The following MCPH1 variants were observed in gnomAD, a reference collection of about 807,000 sequenced individuals.
The protein encoded by MCPH1 is microcephalin.
Under a neutral mutation model 84.5 loss-of-function variants are expected in MCPH1, and 104 were observed. That is an observed-to-expected ratio of 1.23 (90% CI 1.05 to 1.45). The LOEUF (loss-of-function observed/expected upper bound fraction) is 1.45. Among genes scored for constraint, MCPH1 ranks in the 40% most tolerant of loss-of-function variants. MCPH1 has a pLI of 0.00. For missense variants in MCPH1, 1,498 were observed against 1,005.7 expected (o/e 1.49, Z -6.62); for synonymous variants, 514 against 366.8 (o/e 1.40, Z -4.58).
chr8:6,557,712 C>T (rs199534105), intron 12 of MCPH1, among the ~76,000 whole-genome samples: 1 of 150,550 alleles, frequency 6.6e-6, no homozygotes. Flanking sequence ...CACACACACA[C>T]ACATACATAT....
At chr8:6,490,785 C>T (rs1274307559) in intron 11 of MCPH1, among the ~76,000 whole-genome samples, 2 of 151,988 alleles carry the variant, frequency 1.3e-5, no homozygotes, top group Admixed American at 6.6e-5. Flanking sequence ...TTATGTAATG[C>T]GGTTTTGTCA....
intron 5 of MCPH1, among the ~76,000 whole-genome samples, chr8:6,436,394 T>G (rs1241228100): frequency 6.6e-6 from 1 of 152,236 alleles, no homozygotes; most frequent in East Asian, 1.9e-4. Context: ...ATCAAGGTGG[T>G]CGAACTTTTT....
chr8:6,413,019 A>T (rs1408293316), intron 2 of MCPH1, among the ~76,000 whole-genome samples: 1 of 152,194 alleles, frequency 6.6e-6, no homozygotes, highest in African/African-American at 2.4e-5. Context: ...CAAGCATTGT[A>T]CATATATTAC....
chr8:6,478,979 A>T (rs1808830890), intron 10 of MCPH1, among the ~76,000 whole-genome samples: 1 of 152,210 alleles, frequency 6.6e-6, no homozygotes, highest in African/African-American at 2.4e-5. Context: ...GATAAAACTA[A>T]GAAGGCTGGG....
intron 12 of MCPH1, among the ~76,000 whole-genome samples, chr8:6,546,249 G>A (rs571286406): frequency 5.4e-4 from 82 of 152,352 alleles, no homozygotes; most frequent in African/African-American, 1.7e-3. Flanking sequence ...GAGACAGTCT[G>A]AATATTCAAG....
chr8:6,422,829 C>A (rs1360237185), intron 3 of MCPH1, among the ~76,000 whole-genome samples: 3 of 152,108 alleles, frequency 2.0e-5, no homozygotes, highest in Admixed American at 6.5e-5. Context: ...GCTGGGACTA[C>A]CGGAGCCCGC....
chr8:6,581,040 C>T (rs1443588742), intron 12 of MCPH1, among the ~76,000 whole-genome samples: 1 of 152,176 alleles, frequency 6.6e-6, no homozygotes, highest in Non-Finnish European at 1.5e-5. Flanking sequence ...ATTGTATTAA[C>T]TATCATAAGT....
At chr8:6,494,607 G>C (rs1314602441) in intron 11 of MCPH1, 2 of 152,178 alleles carry the variant, frequency 1.3e-5, no homozygotes, top group Admixed American at 1.3e-4. Flanking sequence ...GTATAACTTG[G>C]ATGAACGTTG....
In MCPH1 at chr8:6,513,879, G is replaced by T. The variant is rs186572944; in HGVS notation, c.2214+13950G>T. 44 of 1,566,160 alleles carry T rather than the reference G, an allele frequency of 2.8e-5. No individual in the cohort carries two copies. In the Admixed American group the frequency reaches 5.5e-4, roughly 20 times the overall value. On this transcript the variant is annotated intron_variant, in intron 12 of 13. Transcript: ENST00000344683. ...AAGTTGTTAAATTCAATTATTTCAT[G>T]TAATTTTTTCTTTGTATATTTGAAG...
At chr8:6,473,679 C>G (rs1808061841) in intron 9 of MCPH1, among the ~76,000 whole-genome samples, 1 of 152,166 alleles carries the variant, frequency 6.6e-6, no homozygotes, top group Non-Finnish European at 1.5e-5. Flanking sequence ...ATATGTTTAG[C>G]TTTCTCATGG....
chr8:6,587,217 ACTCACT>A, intron 12 of MCPH1, among the ~76,000 whole-genome samples: 1 of 151,912 alleles, frequency 6.6e-6, no homozygotes, highest in Non-Finnish European at 1.5e-5. Flanking sequence ...AGGAAAAATG[ACTCACT>A]GAAGTCTGGC....
At chr8:6,484,782 T>A (rs1169724635) in intron 11 of MCPH1, among the ~76,000 whole-genome samples, 1 of 152,212 alleles carries the variant, frequency 6.6e-6, no homozygotes, top group Non-Finnish European at 1.5e-5. Context: ...ACATGCTGTA[T>A]AAGGCCATTT....
rs377065220 is a variant in MCPH1 at position 6,578,810 on chromosome 8, G to A, written c.2215-42644G>A. Among the ~76,000 whole-genome samples the A allele has an allele frequency of 6.4e-4, 98 of 152,286 alleles. 2 individuals are homozygous for A. In the East Asian group the frequency reaches 8.3e-3, roughly 13 times the overall value. On this transcript the variant is annotated intron_variant, in intron 12 of 13. Coordinates refer to ENST00000344683, the MANE Select transcript of MCPH1 (RefSeq NM_024596.5). Reference sequence around the variant, plus strand: ...GTGGCACCTGGTATGGCTCAGACTCGCACGTGGTTCTCCACAGAGCTGCTC... The same window carrying A: ...GTGGCACCTGGTATGGCTCAGACTCACACGTGGTTCTCCACAGAGCTGCTC...
At chr8:6,598,853 G>A (rs1233397107) in intron 12 of MCPH1, among the ~76,000 whole-genome samples, 1 of 152,232 alleles carries the variant, frequency 6.6e-6, no homozygotes, top group East Asian at 1.9e-4. Context: ...CTTCCCGCCC[G>A]ATGCATTGCA....
intron 12 of MCPH1, 132 bp downstream of exon 12, chr8:6,500,061 G>A: frequency 1.3e-6 from 1 of 757,428 alleles, no homozygotes; most frequent in Non-Finnish European, 2.3e-6. Context: ...GACATTCACA[G>A]AACTTAACAC....
At chr8:6,633,095 C>T (rs778737629) in intron 13 of MCPH1, among the ~76,000 whole-genome samples, 11 of 150,878 alleles carry the variant, frequency 7.3e-5, no homozygotes, top group South Asian at 2.1e-4. Context: ...CTATAAAAAA[C>T]GTACAACAAA....
rs2936531 is a variant in MCPH1, at chr8:6,621,435, A to G, written c.2215-19A>G. 0.43 allele frequency: 696,930 copies of G among 1,605,044 alleles called. 154,511 individuals carry two copies. The highest frequency in any genetic ancestry group is 0.68 in the East Asian group (30,679 of 44,848). On this transcript the variant is annotated intron_variant, in intron 12 of 13. Coordinates refer to ENST00000344683, the MANE Select transcript of MCPH1 (RefSeq NM_024596.5). The stretch of plus-strand genomic sequence containing the variant: ...GGAGTGGTCCCACCTCTGTAATTCT[A>G]TCTCTGTCTGCCCCACAGCTGTGCC...
chr8:6,446,898 C>A, intron 8 of MCPH1: 3 of 985,268 alleles, frequency 3.0e-6, no homozygotes, highest in Non-Finnish European at 3.6e-6. Flanking sequence ...TCGACAGCCT[C>A]CGGGGTTGGG....
chr8:6,466,469 G>C (rs1268247863), intron 9 of MCPH1, among the ~76,000 whole-genome samples: 1 of 152,102 alleles, frequency 6.6e-6, no homozygotes, highest in Non-Finnish European at 1.5e-5. Flanking sequence ...CACCACACCT[G>C]GCTAAGTTTT....
Sources: gnomAD v4.1 joint callset for allele counts (sites outside exome capture counted in the v4.1 genomes callset) on GRCh38, gnomAD v4.1.1 for gene constraint, MANE v1.5 for transcripts, NCBI Gene and HGNC (gene_info 2026-07-23, HGNC 2026-07-21) for gene names.